The following NKAIN3 variants were observed in gnomAD, a reference collection of about 807,000 sequenced individuals.
NKAIN3 encodes sodium/potassium-transporting ATPase subunit beta-1-interacting protein 3.
NKAIN3 carries 25 observed loss-of-function variants against 30.2 expected under a neutral mutation model. That is an observed-to-expected ratio of 0.83 (90% confidence interval 0.60 to 1.16). The LOEUF (loss-of-function observed/expected upper bound fraction) is 1.16. Ranked by LOEUF, NKAIN3 falls within the 50% of genes most tolerant of loss-of-function variation. The probability of loss-of-function intolerance (pLI) is 0.00; values close to 1 mark genes in which losing one functional copy is unlikely to be tolerated. For missense variants in NKAIN3, 225 were observed against 254.1 expected, an observed-to-expected ratio of 0.89 and a Z score of 0.78; for synonymous variants, 91 against 89.6, an observed-to-expected ratio of 1.02 and a Z score of -0.09.
rs568349897 is a variant in NKAIN3 at position 62,301,118 on chromosome 8, G to A, written c.54+51991G>A. 1.2e-4 allele frequency among the ~76,000 whole-genome samples: 18 copies of A among 151,910 alleles called. No individual in the cohort carries two copies. In the East Asian group the frequency reaches 2.9e-3, roughly 24 times the overall value. On this transcript the variant is annotated intron_variant, in intron 1 of 6. Coordinates refer to ENST00000623646, the MANE Select transcript of NKAIN3 (RefSeq NM_001304533.3). ...GTAAAAGTATGAAATTTTTGCAGTCGAATTCATAAGTTTAATAAAATTAAA... is the reference window on the plus strand; with the variant it reads ...GTAAAAGTATGAAATTTTTGCAGTCAAATTCATAAGTTTAATAAAATTAAA...
intron 4 of NKAIN3, among the ~76,000 whole-genome samples, chr8:62,890,294 A>T (rs1311524620): frequency 6.6e-6 from 1 of 152,210 alleles, no homozygotes; most frequent in African/African-American, 2.4e-5. Flanking sequence ...TACCAAATAG[A>T]TGTTTAGCAA....
At chr8:62,415,153 C>A (rs1585782975) in intron 1 of NKAIN3, among the ~76,000 whole-genome samples, 2 of 133,698 alleles carry the variant, frequency 1.5e-5, no homozygotes, top group African/African-American at 2.8e-5. Context: ...GTATTATATA[C>A]TATAGTATAT....
At chr8:62,283,802 A>G (rs368929188) in intron 1 of NKAIN3, among the ~76,000 whole-genome samples, 1 of 152,140 alleles carries the variant, frequency 6.6e-6, no homozygotes, top group African/African-American at 2.4e-5. Context: ...TTTAGGTGAT[A>G]CATGGACAAA....
At chr8:62,411,501 A>AC (rs1804235830) in intron 1 of NKAIN3, among the ~76,000 whole-genome samples, 1 of 152,214 alleles carries the variant, frequency 6.6e-6, no homozygotes, top group Non-Finnish European at 1.5e-5. Flanking sequence ...GAACAAGAAA[A>AC]AGATGCCCAC....
At chr8:62,412,093 A>G (rs1191886549) in intron 1 of NKAIN3, among the ~76,000 whole-genome samples, 2 of 152,238 alleles carry the variant, frequency 1.3e-5, no homozygotes, top group African/African-American at 2.4e-5. Flanking sequence ...GAACCAAAAA[A>G]GAGTACAAAT....
At chr8:62,747,288 G>T (rs1816108998) in intron 4 of NKAIN3, among the ~76,000 whole-genome samples, 159 bp downstream of exon 4, 1 of 152,134 alleles carries the variant, frequency 6.6e-6, no homozygotes, top group African/African-American at 2.4e-5. Context: ...CTGATGGCAG[G>T]TTACACCTTT....
rs777669867 is a variant in NKAIN3, at chr8:62,945,906, G to C, written c.533-7996G>C. Among the ~76,000 whole-genome samples, 10 of 152,258 alleles carry C rather than the reference G, an allele frequency of 6.6e-5. No individual in the cohort carries two copies. The South Asian group carries it at 1.9e-3, about 28-fold the overall frequency. ...CTTCACATAAGTACCTGAGACTGAGGGGGACAGGACAGAGTGGGAAGCATC... is the reference window on the plus strand; with the variant it reads ...CTTCACATAAGTACCTGAGACTGAGCGGGACAGGACAGAGTGGGAAGCATC... On this transcript the variant is annotated intron_variant, in intron 5 of 6. Transcript: ENST00000623646.
intron 1 of NKAIN3, among the ~76,000 whole-genome samples, chr8:62,564,051 C>G (rs906886606): frequency 6.6e-6 from 1 of 152,192 alleles, no homozygotes; most frequent in Non-Finnish European, 1.5e-5. Flanking sequence ...GTAAGACCTT[C>G]CATAGGGATT....
chr8:62,837,523 G>T (rs1819403634), intron 4 of NKAIN3, among the ~76,000 whole-genome samples: 2 of 152,140 alleles, frequency 1.3e-5, no homozygotes, highest in African/African-American at 2.4e-5. Context: ...AAAACAATGT[G>T]TAAGGCATTG....
chr8:62,719,450 T>C (rs1815012606), intron 3 of NKAIN3, among the ~76,000 whole-genome samples: 1 of 152,214 alleles, frequency 6.6e-6, no homozygotes, highest in Non-Finnish European at 1.5e-5. Context: ...TGATGCTAAA[T>C]TTGTGTTGAC....
intron 4 of NKAIN3, among the ~76,000 whole-genome samples, chr8:62,782,365 T>C (rs1162975555): frequency 1.3e-5 from 2 of 152,040 alleles, no homozygotes; most frequent in South Asian, 4.1e-4. Flanking sequence ...GTATGTAGAT[T>C]TCTTAAAAAA....
intron 1 of NKAIN3, among the ~76,000 whole-genome samples, chr8:62,334,768 G>A (rs1563938037): frequency 6.6e-6 from 1 of 152,022 alleles, no homozygotes; most frequent in African/African-American, 2.4e-5. Context: ...ATCCCTGGTG[G>A]TATCCAGTTA....
intron 4 of NKAIN3, among the ~76,000 whole-genome samples, chr8:62,808,848 G>A (rs1487121249): frequency 1.3e-5 from 2 of 152,074 alleles, no homozygotes; most frequent in Non-Finnish European, 2.9e-5. Flanking sequence ...CAGGAGACAC[G>A]GTTTGAGAGC....
chr8:62,756,865 A>T (rs1816469597), intron 4 of NKAIN3, among the ~76,000 whole-genome samples: 1 of 152,194 alleles, frequency 6.6e-6, no homozygotes, highest in African/African-American at 2.4e-5. Context: ...AAACAACAGA[A>T]TTCAGTCTCT....
intron 3 of NKAIN3, among the ~76,000 whole-genome samples, chr8:62,636,024 C>T (rs773715028): frequency 6.6e-6 from 1 of 152,066 alleles, no homozygotes; most frequent in African/African-American, 2.4e-5. Flanking sequence ...CAGTCTGCAC[C>T]AAGTTCAGAA....
intron 1 of NKAIN3, among the ~76,000 whole-genome samples, chr8:62,454,301 CAAAAAAAA>C (rs201511724): frequency 1.8e-5 from 1 of 56,150 alleles, no homozygotes; most frequent in Non-Finnish European, 3.8e-5. Context: ...AGCTGATGTG[CAAAAAAAA>C]AAAAAAAAAA....
chr8:62,726,798 C>A (rs1665596953), intron 3 of NKAIN3, among the ~76,000 whole-genome samples: 1 of 152,006 alleles, frequency 6.6e-6, no homozygotes, highest in Non-Finnish European at 1.5e-5. Context: ...TGCTATTGTT[C>A]TATGACCTCT....
chr8:62,358,239 C>CTTT lies in NKAIN3; in HGVS notation c.54+109129_54+109131dup, dbSNP rs34616447. ...TTGAAGCTAATTAATGATCTTATAC[C>CTTT]TTTTTTTTTTTTTTTTTTTAGTACT... On this transcript the variant is annotated intron_variant, in intron 1 of 6. Transcript: ENST00000623646. Among the ~76,000 whole-genome samples the CTTT allele has an allele frequency of 7.2e-3, 876 of 121,904 alleles. 15 individuals are homozygous for CTTT. Among genetic ancestry groups the CTTT allele is most frequent in the Middle Eastern group, 0.013 (3 of 234 alleles). 80.0% of individuals were successfully genotyped at this position (121,904 alleles called of 152,430 possible).
chr8:62,921,072 T>C (rs72655076), intron 5 of NKAIN3, among the ~76,000 whole-genome samples: 3,084 of 152,210 alleles, frequency 0.02, 51 homozygotes, highest in South Asian at 0.027. Context: ...TGCCAACACT[T>C]AGCTTTTAGG....
Sources: gnomAD v4.1 joint callset for allele counts (sites outside exome capture counted in the v4.1 genomes callset) on GRCh38, gnomAD v4.1.1 for gene constraint, MANE v1.5 for transcripts, NCBI Gene and HGNC (gene_info 2026-07-23, HGNC 2026-07-21) for gene names.